The following DGKI variants were observed in gnomAD, a reference collection of about 807,000 sequenced individuals.
DGKI encodes diacylglycerol kinase iota, also known as DAG kinase iota.
A neutral mutation model predicts 147.5 loss-of-function variants in DGKI; 55 were observed. That is an observed-to-expected ratio of 0.37 (90% CI 0.30 to 0.47). The LOEUF is 0.47. Among genes scored for constraint, DGKI ranks in the 20% least tolerant of loss-of-function variants. The pLI is 1.00. For synonymous variants in DGKI, 469 were observed against 477.1 expected, an observed-to-expected ratio of 0.98 and a Z score of 0.22; for missense variants, 1,007 against 1,323.8, an observed-to-expected ratio of 0.76 and a Z score of 3.71.
chr7:137,474,615 T>C (rs909515145), intron 23 of DGKI, among the ~76,000 whole-genome samples: 5 of 152,172 alleles, frequency 3.3e-5, no homozygotes, highest in African/African-American at 1.2e-4. Context: ...TTCGCAAAAC[T>C]GAAATTGTTG....
intron 1 of DGKI, among the ~76,000 whole-genome samples, chr7:137,759,958 C>A (rs1296529518): frequency 6.6e-6 from 1 of 152,078 alleles, no homozygotes; most frequent in African/African-American, 2.4e-5. Context: ...AGTTGTGGCG[C>A]CTTTGCTACC....
At position 137,712,644 on chromosome 7, in the gene DGKI, A is replaced by T. The variant is rs553054265; in HGVS notation, c.402-22642T>A. Among the ~76,000 whole-genome samples, 5 of 152,314 alleles carry T rather than the reference A, an allele frequency of 3.3e-5. No individual in the cohort carries two copies. In the South Asian group the frequency reaches 8.3e-4, roughly 25 times the overall value. ...CAGTATCTTGTTTAAAGCATTGAAG[A>T]TTCCTCTTTTGGAAATGCCTCCTGA... On this transcript the variant is annotated intron_variant, in intron 1 of 32. Transcript: ENST00000614521.
At chr7:137,639,930 T>A (rs949691139) in intron 6 of DGKI, among the ~76,000 whole-genome samples, 6 of 152,092 alleles carry the variant, frequency 3.9e-5, no homozygotes, top group African/African-American at 1.4e-4. Flanking sequence ...TATTCACCCA[T>A]GAATCACCAC....
At chr7:137,540,885 C>T (rs1817678623) in intron 20 of DGKI, among the ~76,000 whole-genome samples, 1 of 144,812 alleles carries the variant, frequency 6.9e-6, no homozygotes, top group East Asian at 2.1e-4. Context: ...AAATGATGGA[C>T]AAATAAAATA....
chr7:137,658,923 C>T (rs900719536), intron 3 of DGKI, among the ~76,000 whole-genome samples: 2 of 152,108 alleles, frequency 1.3e-5, no homozygotes, highest in South Asian at 2.1e-4. Context: ...TATATGGAGT[C>T]GAGTGCTGTA....
intron 23 of DGKI, among the ~76,000 whole-genome samples, chr7:137,475,696 C>T (rs960149603): frequency 2.6e-5 from 4 of 152,224 alleles, no homozygotes; most frequent in Admixed American, 6.5e-5. Flanking sequence ...GTGGCCACTA[C>T]ACTAGGAACC....
intron 1 of DGKI, among the ~76,000 whole-genome samples, chr7:137,742,106 TA>T (rs1436671124): frequency 6.6e-6 from 1 of 152,152 alleles, no homozygotes; most frequent in Non-Finnish European, 1.5e-5. Context: ...AGTTCCTGGG[TA>T]GAGTCGGATT....
chr7:137,489,269 T>A (rs1815676392), intron 21 of DGKI, among the ~76,000 whole-genome samples: 1 of 152,112 alleles, frequency 6.6e-6, no homozygotes, highest in African/African-American at 2.4e-5. Context: ...TAACGACTGT[T>A]TGGATGCAAA....
chr7:137,485,498 C>T (rs986193557), intron 22 of DGKI, 80 bp from the exon 23 acceptor site: 13 of 1,074,074 alleles, frequency 1.2e-5, no homozygotes, highest in Non-Finnish European at 1.8e-5. Context: ...CTCAACTGAA[C>T]TCCCAATTTA....
Position 137,642,610 on chromosome 7 carries a change from G to A in DGKI, c.804+2862C>T, listed in dbSNP as rs138309796. Among the ~76,000 whole-genome samples, 5 of 152,216 alleles carry A rather than the reference G, an allele frequency of 3.3e-5. No individual in the cohort carries two copies. In the East Asian group the frequency reaches 9.7e-4, roughly 29 times the overall value. ...GAATGACAATGAAAAACCACAGAAG[G>A]GTTATAAACCTAGTAGCCTGAGGCA... On this transcript the variant is annotated intron_variant, in intron 6 of 32. Coordinates refer to ENST00000614521, the MANE Select transcript of DGKI (RefSeq NM_001321708.2).
At chr7:137,711,684 CTTT>C (rs71177918) in intron 1 of DGKI, among the ~76,000 whole-genome samples, 4 of 79,736 alleles carry the variant, frequency 5.0e-5, no homozygotes, top group South Asian at 1.4e-3. Context: ...GGGATACCAA[CTTT>C]TTTTTTTTTT....
intron 10 of DGKI, 39 bp from the exon 11 acceptor site, chr7:137,599,944 G>A: frequency 1.3e-6 from 2 of 1,522,396 alleles, no homozygotes; most frequent in Non-Finnish European, 1.8e-6. Flanking sequence ...ATAATAGGAA[G>A]AAATTTCCCA....
chr7:137,528,998 T>C lies in DGKI; in HGVS notation c.2148-7032A>G, dbSNP rs559840611. Among the ~76,000 whole-genome samples, 14 of 152,304 alleles carry C rather than the reference T, an allele frequency of 9.2e-5. No homozygotes were observed. The East Asian group carries it at 1.9e-3, about 21-fold the overall frequency. ...ACATTAACCACCAAAGCTAGATGCA[T>C]ATCAAAGAAATATTTGCTGCCTTGA... On this transcript the variant is annotated intron_variant, in intron 20 of 32. Transcript: ENST00000614521.
At position 137,453,939 on chromosome 7, in the gene DGKI, A is replaced by T. The variant is rs202226441; in HGVS notation, c.2735+9550T>A. 3.3e-4 allele frequency among the ~76,000 whole-genome samples: 45 copies of T among 137,928 alleles called. No homozygotes were observed. In the South Asian group the frequency reaches 6.9e-3, roughly 21 times the overall value. 90.5% of individuals were successfully genotyped at this position (137,928 alleles called of 152,430 possible). A position where few individuals can be genotyped will look rare whatever the true frequency, so the allele number is the denominator to read the frequency against. On this transcript the variant is annotated intron_variant, in intron 27 of 32. Coordinates refer to ENST00000614521, the MANE Select transcript of DGKI (RefSeq NM_001321708.2). ...GAAATATCTTGTTTTTTTTTTTTTT[A>T]AATAGATTCCTATATTTAGATATAT...
chr7:137,491,804 A>G (rs1815773158), intron 21 of DGKI, among the ~76,000 whole-genome samples: 1 of 152,194 alleles, frequency 6.6e-6, no homozygotes, highest in South Asian at 2.1e-4. Flanking sequence ...CTGCTGCCCC[A>G]AAGGGCCTTC....
intron 10 of DGKI, 91 bp from the exon 11 acceptor site, chr7:137,599,996 A>AGTAT: frequency 2.6e-6 from 3 of 1,162,718 alleles, no homozygotes; most frequent in Non-Finnish European, 3.8e-6. Flanking sequence ...TTTATTTAAA[A>AGTAT]TAATACACAG....
At chr7:137,405,994 G>C (rs955225991) in intron 30 of DGKI, among the ~76,000 whole-genome samples, 1 of 152,028 alleles carries the variant, frequency 6.6e-6, no homozygotes, top group Non-Finnish European at 1.5e-5. Flanking sequence ...AAAGATGGGT[G>C]GGGGGGTGTG....
At chr7:137,644,169 C>A (rs1215648904) in intron 6 of DGKI, among the ~76,000 whole-genome samples, 2 of 152,180 alleles carry the variant, frequency 1.3e-5, no homozygotes, top group Non-Finnish European at 1.5e-5. Flanking sequence ...TCCTTTTCCC[C>A]AGGACATGTA....
chr7:137,636,233 G>C (rs11971088), intron 6 of DGKI, among the ~76,000 whole-genome samples: 11,119 of 152,182 alleles, frequency 0.073, 1,256 homozygotes, highest in African/African-American at 0.24. Context: ...GTCTTGGTCC[G>C]CCTACCAGGT....
Sources: allele counts gnomAD v4.1 joint callset (sites outside exome capture counted in the v4.1 genomes callset), GRCh38; gene constraint gnomAD v4.1.1; transcripts MANE v1.5; gene names NCBI Gene and HGNC (gene_info 2026-07-23, HGNC 2026-07-21).